DDIAS: variants seen among roughly 807,000 people sequenced by gnomAD.
DDIAS encodes DNA damage-induced apoptosis suppressor protein.
DDIAS carries 14 observed loss-of-function variants against 15.7 expected under a neutral mutation model. That is an observed-to-expected ratio of 0.89 (90% CI 0.59 to 1.39). DDIAS has a LOEUF of 1.39. Among genes scored for constraint, DDIAS ranks in the 40% most tolerant of loss-of-function variants. The pLI is 0.00. For missense variants in DDIAS, 1,035 were observed against 1,130.9 expected, an observed-to-expected ratio of 0.92 and a Z score of 1.22; for synonymous variants, 355 against 395.9, an observed-to-expected ratio of 0.90 and a Z score of 1.23.
intron 1 of DDIAS, among the ~76,000 whole-genome samples, chr11:82,905,564 C>T (rs1428715624): frequency 1.3e-5 from 2 of 152,036 alleles, no homozygotes; most frequent in African/African-American, 4.8e-5. Flanking sequence ...CTTCTCTTTC[C>T]CCATTCCTCC....
chr11:82,925,236 GAATT>G (rs1860834852), intron 3 of DDIAS, among the ~76,000 whole-genome samples: 1 of 152,194 alleles, frequency 6.6e-6, no homozygotes, highest in Non-Finnish European at 1.5e-5. Context: ...TGTTTTTAAT[GAATT>G]AATATTTTTT....
intron 1 of DDIAS, among the ~76,000 whole-genome samples, chr11:82,906,775 A>G (rs1017001124): frequency 6.6e-6 from 1 of 152,190 alleles, no homozygotes; most frequent in African/African-American, 2.4e-5. Flanking sequence ...AGTATGAAAT[A>G]AGGTACTATA....
In DDIAS at chr11:82,931,798, A is replaced by G. The variant is rs1296777005; in HGVS notation, c.460A>G (p.Lys154Glu). The G allele has an allele frequency of 1.9e-6, 3 of 1,614,236 alleles. No individual in the cohort carries two copies. The highest frequency in any genetic ancestry group is 2.5e-6 in the Non-Finnish European group (3 of 1,180,020). The change falls in exon 6 of 6, where the codon AAA becomes GAA. Residue 154 changes from lysine (K) to glutamate (E), a missense_variant. By Grantham distance (56) the Lys-to-Glu change is moderately conservative. Transcript: ENST00000533655. ...CTTCTTACAGCAATGCTCTGACCACAAAAGAAAAGCCAAAGCACTAGTGGC... is the reference window on the plus strand; with the variant it reads ...CTTCTTACAGCAATGCTCTGACCACGAAAGAAAAGCCAAAGCACTAGTGGC... ...SNFLQQCSDH[K>E]RKAKALVACQ...
chr11:82,918,581 G>A (rs1389014925), intron 3 of DDIAS, among the ~76,000 whole-genome samples: 3 of 152,204 alleles, frequency 2.0e-5, no homozygotes, highest in East Asian at 1.9e-4. Flanking sequence ...GGTTCCATAT[G>A]CATTTTAAAA....
At chr11:82,924,552 T>C (rs1050508419) in intron 3 of DDIAS, among the ~76,000 whole-genome samples, 4 of 152,118 alleles carry the variant, frequency 2.6e-5, no homozygotes, top group African/African-American at 7.3e-5. Flanking sequence ...TAGTAGCTCA[T>C]GCCTGCAATC....
chr11:82,914,664 A>G, intron 2 of DDIAS, 59 bp from the exon 3 acceptor site: 1 of 806,110 alleles, frequency 1.2e-6, no homozygotes. Flanking sequence ...TCCTAAGAAA[A>G]GAATATGCAC....
At chr11:82,902,204 T>G (rs1860329898) in intron 1 of DDIAS, among the ~76,000 whole-genome samples, 1 of 152,214 alleles carries the variant, frequency 6.6e-6, no homozygotes, top group South Asian at 2.1e-4. Context: ...CTATGATGGC[T>G]TAGAAGGAAC....
intron 3 of DDIAS, among the ~76,000 whole-genome samples, chr11:82,915,986 T>G (rs1308348576): frequency 6.6e-6 from 1 of 152,218 alleles, no homozygotes; most frequent in Non-Finnish European, 1.5e-5. Context: ...TGTTTGAGAA[T>G]CTGCTATAAG....
Position 82,932,913 on chromosome 11 carries a change from T to C in DDIAS, c.1575T>C (p.Asn525=), listed in dbSNP as rs764902195. The change falls in exon 6 of 6, where the codon AAT becomes AAC. Residue 525 remains asparagine, a synonymous_variant. Transcript: ENST00000533655. The stretch of plus-strand genomic sequence containing the variant: ...TAGAGGCTGTCTCTGTAAATCATAA[T>C]GGAAGAGATATGTCAGAATATTTTT... ...NKVEAVSVNH[N]GRDMSEYFLP... The C allele has an allele frequency of 6.2e-7, 1 of 1,612,486 alleles. No individual in the cohort carries two copies. Among genetic ancestry groups the C allele is most frequent in the Admixed American group, 1.7e-5 (1 of 59,926 alleles).
At chr11:82,905,956 A>C (rs1405665426) in intron 1 of DDIAS, among the ~76,000 whole-genome samples, 1 of 152,214 alleles carries the variant, frequency 6.6e-6, no homozygotes, top group Non-Finnish European at 1.5e-5. Context: ...GTGTATCATC[A>C]TATCTTCCTA....
At chr11:82,906,051 GAGAC>G (rs1266368370) in intron 1 of DDIAS, among the ~76,000 whole-genome samples, 4 of 152,016 alleles carry the variant, frequency 2.6e-5, no homozygotes, top group African/African-American at 9.7e-5. Flanking sequence ...GCAGTAGAGA[GAGAC>G]AGAGAAATAA....
Position 82,932,560 on chromosome 11 carries a change from G to A in DDIAS, c.1222G>A (p.Gly408Ser). ...AGAGACAGCCAGCAGTTCCCAGGAT[G>A]GTGACCCTCAAATTTGGGATGATCT... ...LEETASSSQD[G>S]DPQIWDDLPF... Residue 408 changes from glycine to serine, a missense_variant, in exon 6 of 6, where the codon GGT becomes AGT. Transcript: ENST00000533655. 1 of 1,614,118 alleles carries A rather than the reference G, an allele frequency of 6.2e-7. No homozygotes were observed. Among genetic ancestry groups the A allele is most frequent in the East Asian group, 2.2e-5 (1 of 44,882 alleles).
chr11:82,911,935 C>A (rs1052219749), intron 1 of DDIAS, among the ~76,000 whole-genome samples: 2 of 152,162 alleles, frequency 1.3e-5, no homozygotes, highest in African/African-American at 4.8e-5. Flanking sequence ...TGACCAGGTG[C>A]GTTGTCAATG....
intron 1 of DDIAS, among the ~76,000 whole-genome samples, chr11:82,905,728 C>A (rs1202596945): frequency 6.6e-6 from 1 of 152,054 alleles, no homozygotes. Context: ...TAGGTAGGGA[C>A]CTTGTCTGTT....
intron 1 of DDIAS, among the ~76,000 whole-genome samples, chr11:82,905,478 T>TA (rs1860409353): frequency 6.6e-6 from 1 of 151,946 alleles, no homozygotes. Flanking sequence ...ATAAAGAAAA[T>TA]AAAAATCGCC....
chr11:82,930,400 T>C lies in DDIAS; in HGVS notation c.393+126T>C, dbSNP rs1266491157. 1.2e-5 allele frequency: 8 copies of C among 673,160 alleles called. No homozygotes were observed. In the Admixed American group the frequency reaches 1.4e-4, roughly 11 times the overall value. The allele number at this position is 673,160 out of a possible 1,614,324, so 41.7% of individuals were successfully genotyped here. A position where few individuals can be genotyped will look rare whatever the true frequency, so the allele number is the denominator to read the frequency against. ...AGGCCTGTAGAAACACTTTAAACTA[T>C]GTAAAAATAGCCTATAGGTGGTCTG... On this transcript the variant is annotated intron_variant, in intron 5 of 5. Transcript: ENST00000533655.
At position 82,933,607 on chromosome 11, in the gene DDIAS, G is replaced by A. The variant is rs35711622; in HGVS notation, c.2269G>A (p.Asp757Asn). 1,943 of 1,613,722 alleles carry A rather than the reference G, an allele frequency of 1.2e-3. 25 individuals carry two copies. In the African/African-American group the frequency reaches 0.022, roughly 18 times the overall value. Residue 757 changes from aspartate (D) to asparagine (N), a missense_variant, in exon 6 of 6, where the codon GAT becomes AAT. Asp to Asn is a conservative substitution (Grantham distance 23). Coordinates refer to ENST00000533655, the MANE Select transcript of DDIAS (RefSeq NM_145018.4). Reference protein sequence around the residue: ...TCSPTPHFQSDSEYNFENSQD... With the variant: ...TCSPTPHFQSNSEYNFENSQD... Reference sequence around the variant, plus strand: ...CTCTCCAACACCTCATTTTCAATCAGATTCAGAATATAATTTTGAAAATAG... The same window carrying A: ...CTCTCCAACACCTCATTTTCAATCAAATTCAGAATATAATTTTGAAAATAG...
chr11:82,908,636 C>T (rs924071647), intron 1 of DDIAS, among the ~76,000 whole-genome samples: 3 of 152,228 alleles, frequency 2.0e-5, no homozygotes, highest in Non-Finnish European at 4.4e-5. Context: ...GTCATTTATA[C>T]TTAAAGTTCC....
chr11:82,928,735 AT>A (rs769789036), intron 3 of DDIAS, 41 bp from the exon 4 acceptor site: 178 of 1,596,302 alleles, frequency 1.1e-4, no homozygotes, highest in Non-Finnish European at 1.4e-4. Flanking sequence ...TATGAAAAAC[AT>A]TTAATGAACA....
Sources: gnomAD v4.1 joint callset for allele counts (sites outside exome capture counted in the v4.1 genomes callset) on GRCh38, gnomAD v4.1.1 for gene constraint, MANE v1.5 for transcripts, NCBI Gene and HGNC (gene_info 2026-07-23, HGNC 2026-07-21) for gene names.